STXBP5L: variants seen among roughly 807,000 people sequenced by gnomAD.
STXBP5L encodes the protein syntaxin binding protein 5L.
STXBP5L carries 65 observed loss-of-function variants against 144.5 expected under a neutral mutation model. That is an observed-to-expected ratio of 0.45 (90% CI 0.37 to 0.55). STXBP5L has a LOEUF of 0.55. STXBP5L is among the 20% of genes least tolerant of loss of function. The pLI is 0.00. For synonymous variants in STXBP5L, 505 were observed against 469.6 expected (o/e 1.08, Z -0.97); for missense variants, 1,298 against 1,405.5 (o/e 0.92, Z 1.22).
intron 4 of STXBP5L, among the ~76,000 whole-genome samples, chr3:121,042,395 A>G (rs554386439): frequency 4.1e-4 from 62 of 152,178 alleles, no homozygotes; most frequent in Non-Finnish European, 8.2e-4. Context: ...GTAGAAGGCT[A>G]CTTTAGGCTT....
At chr3:121,058,719 A>G (rs1295825745) in intron 5 of STXBP5L, among the ~76,000 whole-genome samples, 3 of 152,192 alleles carry the variant, frequency 2.0e-5, no homozygotes, top group Non-Finnish European at 2.9e-5. Flanking sequence ...CATTTCTCTA[A>G]TGACCAGTGA....
intron 14 of STXBP5L, among the ~76,000 whole-genome samples, chr3:121,244,966 A>G (rs1055406169): frequency 5.9e-5 from 9 of 152,108 alleles, no homozygotes; most frequent in Non-Finnish European, 1.0e-4. Context: ...ACACTAGACA[A>G]CACCACCGAA....
At chr3:120,999,673 T>C (rs575055871) in intron 3 of STXBP5L, among the ~76,000 whole-genome samples, 11 of 152,310 alleles carry the variant, frequency 7.2e-5, no homozygotes, top group African/African-American at 2.2e-4. Context: ...ATAGCGTCAA[T>C]GGTCTGTGTA....
chr3:121,405,293 C>T (rs1167808147), intron 22 of STXBP5L, among the ~76,000 whole-genome samples: 1 of 151,948 alleles, frequency 6.6e-6, no homozygotes, highest in African/African-American at 2.4e-5. Flanking sequence ...TTCAAGAATT[C>T]CTATCTTCTT....
chr3:121,295,527 A>G (rs545011639), intron 19 of STXBP5L, among the ~76,000 whole-genome samples: 195 of 152,270 alleles, frequency 1.3e-3, no homozygotes, highest in Non-Finnish European at 2.3e-3. Context: ...ATATGTTTCT[A>G]TCTTTGAATT....
chr3:121,388,327 A>G (rs995361088), intron 22 of STXBP5L, among the ~76,000 whole-genome samples: 2 of 152,218 alleles, frequency 1.3e-5, no homozygotes, highest in African/African-American at 2.4e-5. Flanking sequence ...TAAATATACA[A>G]TCATGTCATT....
intron 9 of STXBP5L, among the ~76,000 whole-genome samples, chr3:121,192,370 C>G (rs188830386): frequency 6.6e-6 from 1 of 152,144 alleles, no homozygotes; most frequent in Non-Finnish European, 1.5e-5. Context: ...TAGGAAGAAT[C>G]AATATCATCA....
At position 120,946,625 on chromosome 3, in the gene STXBP5L, C is replaced by A. The variant is rs1253338464; in HGVS notation, c.190-8315C>A. 2.0e-5 allele frequency among the ~76,000 whole-genome samples: 3 copies of A among 151,570 alleles called. No individual in the cohort carries two copies. The East Asian group carries it at 5.8e-4, about 29-fold the overall frequency. ...GTCCCCATCACAGGTGGTTTTGAGG[C>A]TATTTTGCCACATTATGACAGTATT... On this transcript the variant is annotated intron_variant, in intron 2 of 26. Transcript: ENST00000471454.
intron 20 of STXBP5L, among the ~76,000 whole-genome samples, chr3:121,338,515 C>T (rs776529876): frequency 5.4e-5 from 8 of 147,318 alleles, no homozygotes; most frequent in East Asian, 2.1e-4. Flanking sequence ...GTGGTGGTGC[C>T]GCCTGTAATC....
chr3:121,216,711 T>C (rs552982299), intron 10 of STXBP5L, among the ~76,000 whole-genome samples: 2 of 152,356 alleles, frequency 1.3e-5, no homozygotes, highest in East Asian at 3.9e-4. Flanking sequence ...GCTCGAGCAC[T>C]GTGCTGGGAG....
At chr3:121,051,002 T>C (rs1053104870) in intron 5 of STXBP5L, among the ~76,000 whole-genome samples, 13 of 152,140 alleles carry the variant, frequency 8.5e-5, no homozygotes, top group Non-Finnish European at 1.8e-4. Flanking sequence ...CATTACATAA[T>C]GGTAAAGGGA....
At chr3:121,041,628 T>A in intron 3 of STXBP5L, 72 bp from the exon 4 acceptor site, 1 of 1,120,702 alleles carries the variant, frequency 8.9e-7, no homozygotes, top group Non-Finnish European at 1.3e-6. Context: ...TGTTGATCAA[T>A]AAGTTAGTTT....
intron 23 of STXBP5L, among the ~76,000 whole-genome samples, chr3:121,412,803 TAAG>T (rs1247963283): frequency 1.5e-5 from 2 of 136,388 alleles, no homozygotes; most frequent in East Asian, 2.1e-4. Context: ...GCCTTGAAGA[TAAG>T]AAGAAACAAC....
At chr3:121,175,857 TAA>T (rs34893213) in intron 9 of STXBP5L, among the ~76,000 whole-genome samples, 3 of 140,382 alleles carry the variant, frequency 2.1e-5, no homozygotes, top group African/African-American at 2.6e-5. Context: ...AAGTTGACAG[TAA>T]AAAAAAAAAA....
rs540628406 is a variant in STXBP5L at position 121,414,921 on chromosome 3, T to C, written c.3115-936T>C. ...TCAATAGCCATAAAGTGTAATCAAC[T>C]GGATTTAGGGTTATTAGATAATAGG... On this transcript the variant is annotated intron_variant, in intron 24 of 26. Transcript: ENST00000471454. Among the ~76,000 whole-genome samples, 3 of 152,248 alleles carry C rather than the reference T, an allele frequency of 2.0e-5. No individual in the cohort carries two copies. In the East Asian group the frequency reaches 5.8e-4, roughly 29 times the overall value.
At chr3:121,167,430 G>A (rs2046539903) in intron 9 of STXBP5L, among the ~76,000 whole-genome samples, 1 of 152,054 alleles carries the variant, frequency 6.6e-6, no homozygotes, top group African/African-American at 2.4e-5. Flanking sequence ...AACAACAACA[G>A]GTAGTTTAGA....
At chr3:120,909,123 A>G (rs918532601) in intron 1 of STXBP5L, 3 of 152,730 alleles carry the variant, frequency 2.0e-5, no homozygotes, top group African/African-American at 7.2e-5. Context: ...GTTTTTCTGA[A>G]AATAAAATAC....
Position 121,009,938 on chromosome 3 carries a change from A to G in STXBP5L, c.288-31762A>G, listed in dbSNP as rs139374914. Among the ~76,000 whole-genome samples, 19 of 152,068 alleles carry G rather than the reference A, an allele frequency of 1.2e-4. No individual in the cohort carries two copies. The East Asian group carries it at 3.7e-3, about 29-fold the overall frequency. ...CTTGGACTCCTACTGAGTTTTAAAA[A>G]TGGGGATATTTTCAACACATCAACA... On this transcript the variant is annotated intron_variant, in intron 3 of 26. Coordinates refer to ENST00000471454, the MANE Select transcript of STXBP5L (RefSeq NM_001308330.2).
intron 16 of STXBP5L, among the ~76,000 whole-genome samples, chr3:121,256,085 AT>A (rs2050197938): frequency 6.6e-6 from 1 of 152,142 alleles, no homozygotes; most frequent in African/African-American, 2.4e-5. Context: ...TGTAGCTATG[AT>A]TCAGTTTCAT....
Sources: gnomAD v4.1 joint callset for allele counts (sites outside exome capture counted in the v4.1 genomes callset) on GRCh38, gnomAD v4.1.1 for gene constraint, MANE v1.5 for transcripts, NCBI Gene and HGNC (gene_info 2026-07-23, HGNC 2026-07-21) for gene names.